The following GRIP1 variants were observed in gnomAD, a reference collection of about 807,000 sequenced individuals.
GRIP1 encodes glutamate receptor interacting protein 1, also known as glutamate receptor-interacting protein 1.
A neutral mutation model predicts 129.9 loss-of-function variants in GRIP1; 45 were observed. The ratio of observed to expected loss-of-function variants is 0.35; its 90% confidence interval spans 0.27 to 0.44. GRIP1 has a LOEUF of 0.44. Among genes scored for constraint, GRIP1 ranks in the 20% least tolerant of loss-of-function variants. GRIP1 has a pLI of 1.00. For missense variants in GRIP1, 1,196 were observed against 1,396.8 expected (o/e 0.86, Z 2.29); for synonymous variants, 530 against 520.8 (o/e 1.02, Z -0.24).
At chr12:66,439,852 A>T (rs1389017715) in intron 13 of GRIP1, among the ~76,000 whole-genome samples, 1 of 152,100 alleles carries the variant, frequency 6.6e-6, no homozygotes, top group Non-Finnish European at 1.5e-5. Flanking sequence ...GCTCAATCTA[A>T]TCCTTCATTT....
intron 1 of GRIP1, among the ~76,000 whole-genome samples, chr12:66,762,813 A>G (rs2037516182): frequency 6.6e-6 from 1 of 152,228 alleles, no homozygotes. Flanking sequence ...TACAATGTGC[A>G]GTGGTTACGC....
chr12:66,679,793 T>C (rs992882172), upstream of GRIP1, among the ~76,000 whole-genome samples: 1 of 152,200 alleles, frequency 6.6e-6, no homozygotes, highest in Admixed American at 6.5e-5. Context: ...TATTATACTA[T>C]TTCCCAAACA....
chr12:66,516,802 GT>G (rs2060857617), intron 6 of GRIP1, among the ~76,000 whole-genome samples: 2 of 152,276 alleles, frequency 1.3e-5, no homozygotes, highest in South Asian at 4.1e-4. Flanking sequence ...AGAAACCAGT[GT>G]TTTCCTATTT....
At chr12:66,750,029 C>T (rs920021051) in intron 1 of GRIP1, among the ~76,000 whole-genome samples, 1 of 152,140 alleles carries the variant, frequency 6.6e-6, no homozygotes, top group African/African-American at 2.4e-5. Context: ...CAAAGTCAAC[C>T]CCAACAAACT....
chr12:66,747,046 T>C (rs916987743), intron 1 of GRIP1, among the ~76,000 whole-genome samples: 5 of 152,188 alleles, frequency 3.3e-5, no homozygotes, highest in Admixed American at 6.5e-5. Flanking sequence ...TTAAGTTACA[T>C]ATTATGATAA....
At chr12:66,658,826 AG>A (rs1430175619) in intron 1 of GRIP1, among the ~76,000 whole-genome samples, 3 of 151,656 alleles carry the variant, frequency 2.0e-5, no homozygotes, top group Admixed American at 6.6e-5. Context: ...TGGGAGGCTG[AG>A]GGGGGAAGAT....
intron 7 of GRIP1, among the ~76,000 whole-genome samples, chr12:66,498,490 T>A (rs1461591721): frequency 6.6e-6 from 1 of 152,222 alleles, no homozygotes; most frequent in African/African-American, 2.4e-5. Flanking sequence ...ATTTTCTACC[T>A]GGGCAAGTTA....
At chr12:66,810,371 A>G (rs1459023048) in intron 1 of GRIP1, among the ~76,000 whole-genome samples, 4 of 152,170 alleles carry the variant, frequency 2.6e-5, no homozygotes, top group African/African-American at 9.7e-5. Flanking sequence ...CAGCCTGGCC[A>G]ACATGGTGAA....
chr12:66,377,054 G>A lies in GRIP1; in HGVS notation c.2741C>T (p.Ala914Val). 1 of 1,611,918 alleles carries A rather than the reference G, an allele frequency of 6.2e-7. No homozygotes were observed. Among genetic ancestry groups the A allele is most frequent in the Non-Finnish European group, 8.5e-7 (1 of 1,177,966 alleles). Residue 914 changes from alanine to valine, a missense_variant, in exon 22 of 25, where the codon GCT becomes GTT. Ala to Val is a moderately conservative substitution (Grantham distance 64). Around this residue, in one of 5 missense-constraint regions of GRIP1, gnomAD observed 427 missense variants for 463.3 expected, o/e 0.92. Coordinates refer to ENST00000359742, the MANE Select transcript of GRIP1 (RefSeq NM_001366722.1). ...GTTTCTCAAAGACACACGCCTGTCA[G>A]CTTTCTCCTGTGGAAAGGGTTAAAG... ...SGILRELEEKADRRVSLRNMT... is the reference protein window; with the variant it reads ...SGILRELEEKVDRRVSLRNMT...
At chr12:66,363,816 G>A (rs1188317798) in intron 23 of GRIP1, among the ~76,000 whole-genome samples, 4 of 152,144 alleles carry the variant, frequency 2.6e-5, no homozygotes, top group Non-Finnish European at 5.9e-5. Context: ...TAGAATGGTG[G>A]TTACTAGAGG....
In GRIP1 at chr12:66,769,707, T is replaced by C. The variant is rs185522024; in HGVS notation, c.-420+34346A>G. On this transcript the variant is annotated intron_variant, in intron 1 of 4. Coordinates refer to the GRIP1 transcript ENST00000538373. The stretch of plus-strand genomic sequence containing the variant: ...ATAGGAGGGAAAAAAAAAATCTCCC[T>C]TTCCAGCAAGTTCACTATAACAACC... Among the ~76,000 whole-genome samples the C allele has an allele frequency of 2.5e-3, 378 of 152,258 alleles. 4 individuals are homozygous for C. Among genetic ancestry groups the C allele is most frequent in the African/African-American group, 8.9e-3 (368 of 41,552 alleles).
At chr12:66,522,945 T>C (rs1347809121) in intron 5 of GRIP1, among the ~76,000 whole-genome samples, 2 of 151,688 alleles carry the variant, frequency 1.3e-5, no homozygotes, top group Non-Finnish European at 2.9e-5. Flanking sequence ...GAAGATGAAA[T>C]GAATGAAATG....
At position 66,379,293 on chromosome 12, in the gene GRIP1, A is replaced by G. The variant is rs1592727084; in HGVS notation, c.2608T>C (p.Ser870Pro). 6.2e-7 allele frequency: 1 copy of G among 1,613,880 alleles called. No individual in the cohort carries two copies. The highest frequency in any genetic ancestry group is 8.5e-7 in the Non-Finnish European group (1 of 1,179,852). Reference protein sequence around the residue: ...VGLSYEDWDRSTASGFAGAAD... With the variant: ...VGLSYEDWDRPTASGFAGAAD... ...TGAAAACCTTACCCACTGGCTGTGGACCGGTCCCAGTCTTCATAACTCAGC... is the reference window on the plus strand; with the variant it reads ...TGAAAACCTTACCCACTGGCTGTGGGCCGGTCCCAGTCTTCATAACTCAGC... The change falls in exon 20 of 25, where the codon TCC (serine) becomes CCC (proline). Residue 870 changes from serine to proline, a missense_variant. Physicochemically the swap from Ser to Pro is moderately conservative, Grantham distance 74 (BLOSUM62 -1). This residue lies in a region of GRIP1 where 427 missense variants were observed against 463.3 expected (regional missense o/e 0.92). Coordinates refer to ENST00000359742, the MANE Select transcript of GRIP1 (RefSeq NM_001366722.1).
intron 1 of GRIP1, among the ~76,000 whole-genome samples, chr12:66,620,789 C>G (rs558462161): frequency 4.0e-4 from 61 of 152,144 alleles, no homozygotes; most frequent in Non-Finnish European, 6.9e-4. Context: ...ACCCCTCCCC[C>G]CCAGACTTTT....
chr12:66,576,652 C>T (rs2063148539), intron 2 of GRIP1, among the ~76,000 whole-genome samples: 1 of 152,160 alleles, frequency 6.6e-6, no homozygotes, highest in Admixed American at 6.5e-5. Context: ...AGGGATAACA[C>T]CTCTGTTTTT....
chr12:66,669,745 C>T (rs571204108), intron 1 of GRIP1, among the ~76,000 whole-genome samples: 1 of 152,304 alleles, frequency 6.6e-6, no homozygotes, highest in African/African-American at 2.4e-5. Flanking sequence ...TGGCCAATTT[C>T]AGTCTACCAA....
chr12:66,859,376 T>C (rs925287651), intron 1 of GRIP1, among the ~76,000 whole-genome samples: 1 of 149,618 alleles, frequency 6.7e-6, no homozygotes, highest in African/African-American at 2.4e-5. Flanking sequence ...GGTCCATAAG[T>C]TCCTCACAAG....
chr12:66,426,634 A>AT (rs2057996305), intron 14 of GRIP1, among the ~76,000 whole-genome samples: 1 of 151,880 alleles, frequency 6.6e-6, no homozygotes. Context: ...TCAAGTGTCC[A>AT]TTTTTCTCTT....
intron 1 of GRIP1, among the ~76,000 whole-genome samples, chr12:66,973,414 A>C (rs1377167344): frequency 6.9e-6 from 1 of 145,644 alleles, no homozygotes; most frequent in African/African-American, 2.6e-5. Flanking sequence ...AATGTACTTC[A>C]AAACCCCTCT....
Sources: gnomAD v4.1 joint callset for allele counts (sites outside exome capture counted in the v4.1 genomes callset) on GRCh38, gnomAD v4.1.1 for gene constraint, gnomAD v4.1.1 regional missense constraint, MANE v1.5 for transcripts, NCBI Gene and HGNC (gene_info 2026-07-23, HGNC 2026-07-21) for gene names.